ANAPC4: variants seen among roughly 807,000 people sequenced by gnomAD.
The protein encoded by ANAPC4 is anaphase-promoting complex subunit 4.
A neutral mutation model predicts 119.8 loss-of-function variants in ANAPC4; 63 were observed. The ratio of observed to expected loss-of-function variants is 0.53; its 90% CI spans 0.43 to 0.65. The LOEUF (loss-of-function observed/expected upper bound fraction) is 0.65. Among genes scored for constraint, ANAPC4 ranks in the 30% least tolerant of loss-of-function variants. ANAPC4 has a pLI of 0.00. For synonymous variants in ANAPC4, 283 were observed against 318.6 expected (o/e 0.89, Z 1.19); for missense variants, 716 against 945.1 (o/e 0.76, Z 3.18).
At chr4:25,411,387 A>G (rs1457876779) in intron 21 of ANAPC4, among the ~76,000 whole-genome samples, 2 of 152,202 alleles carry the variant, frequency 1.3e-5, no homozygotes, top group Admixed American at 6.5e-5. Flanking sequence ...TTTGAATAAG[A>G]AAGGCCTGAT....
chr4:25,388,916 A>G, intron 7 of ANAPC4, 34 bp downstream of exon 7: 1 of 1,515,674 alleles, frequency 6.6e-7, no homozygotes, highest in Non-Finnish European at 9.0e-7. Flanking sequence ...CTAATTTCTT[A>G]AAGTTATTTC....
intron 4 of ANAPC4, 110 bp from the exon 5 acceptor site, chr4:25,388,390 A>G: frequency 2.8e-6 from 2 of 715,090 alleles, no homozygotes; most frequent in Non-Finnish European, 4.8e-6. Flanking sequence ...TCATCTATTT[A>G]CTTGATAATG....
chr4:25,383,537 GCTTT>G, intron 4 of ANAPC4, 144 bp downstream of exon 4: 1 of 690,222 alleles, frequency 1.4e-6, no homozygotes, highest in Non-Finnish European at 2.1e-6. Context: ...ATTTTTTAAT[GCTTT>G]CTTAGATTTT....
At position 25,377,267 on chromosome 4, in the gene ANAPC4, A is replaced by G; in HGVS notation, c.-88A>G. On this transcript the variant is annotated 5_prime_UTR_variant, in exon 1 of 29. Coordinates refer to ENST00000315368, the MANE Select transcript of ANAPC4 (RefSeq NM_013367.3). ...ACAGCGGCGGGGCGGGGCGGCCTGG[A>G]GGCTGTGGCGCGCGGCCGGCAGAGG... 1 of 958,250 alleles carries G rather than the reference A, an allele frequency of 1.0e-6. No individual in the cohort carries two copies. Among genetic ancestry groups the G allele is most frequent in the South Asian group, 1.8e-5 (1 of 55,578 alleles). The allele number at this position is 958,250 out of a possible 1,614,324, so 59.4% of individuals were successfully genotyped here. A position where few individuals can be genotyped will look rare whatever the true frequency, so the allele number is the denominator to read the frequency against.
At chr4:25,388,774 A>G (rs777326490) in intron 6 of ANAPC4, 31 bp downstream of exon 6, 1 of 1,606,528 alleles carries the variant, frequency 6.2e-7, no homozygotes, top group Non-Finnish European at 8.5e-7. Context: ...TTTTCAAGTA[A>G]GATAATCTGC....
chr4:25,409,064 C>T (rs1037563044), intron 20 of ANAPC4, among the ~76,000 whole-genome samples: 3 of 152,154 alleles, frequency 2.0e-5, no homozygotes, highest in Non-Finnish European at 4.4e-5. Context: ...CTTTCCCCAC[C>T]ATCAGTACAA....
rs559632080 is a variant in ANAPC4, at chr4:25,412,844, A to T, written c.1526-801A>T. 3 of 152,306 alleles carry T rather than the reference A, an allele frequency of 2.0e-5. No homozygotes were observed. In the South Asian group the frequency reaches 6.2e-4, roughly 32 times the overall value. 9.4% of individuals were successfully genotyped at this position (152,306 alleles called of 1,614,324 possible). On this transcript the variant is annotated intron_variant, in intron 21 of 28. Coordinates refer to ENST00000315368, the MANE Select transcript of ANAPC4 (RefSeq NM_013367.3). The stretch of plus-strand genomic sequence containing the variant: ...TCTGTTCTAGGAACTAGAAACAAAG[A>T]TCAATGTTTTTCTGTGATAACATAG...
intron 4 of ANAPC4, 86 bp downstream of exon 4, chr4:25,383,479 G>T: frequency 8.1e-7 from 1 of 1,238,422 alleles, no homozygotes; most frequent in East Asian, 2.6e-5. Context: ...TGAGTATTGG[G>T]TGTATGTGCG....
chr4:25,399,608 CT>C (rs1722844901), intron 16 of ANAPC4, among the ~76,000 whole-genome samples: 1 of 152,128 alleles, frequency 6.6e-6, no homozygotes, highest in African/African-American at 2.4e-5. Context: ...TCATCCACCC[CT>C]CTCAGTGATG....
At chr4:25,396,305 A>G (rs1424834726) in intron 14 of ANAPC4, among the ~76,000 whole-genome samples, 1 of 152,216 alleles carries the variant, frequency 6.6e-6, no homozygotes, top group Non-Finnish European at 1.5e-5. Context: ...TGTCCCCAGT[A>G]TATAGCACGG....
chr4:25,394,646 A>G (rs568717551), intron 12 of ANAPC4, 25 bp from the exon 13 acceptor site: 1 of 1,577,118 alleles, frequency 6.3e-7, no homozygotes, highest in South Asian at 1.2e-5. Context: ...AGAAGTGACT[A>G]AAAATACTTT....
intron 3 of ANAPC4, 27 bp from the exon 4 acceptor site, chr4:25,383,234 T>A: frequency 1.3e-6 from 2 of 1,576,466 alleles, no homozygotes; most frequent in Non-Finnish European, 1.7e-6. Flanking sequence ...TACACTAATT[T>A]ATTCTGATTG....
At position 25,418,217 on chromosome 4, in the gene ANAPC4, C is replaced by T. The variant is rs1381731327; in HGVS notation, c.2262C>T (p.Leu754=). ...FEMDIDDEWE[L]DESSDEEEEA... is the part of the protein sequence containing the mutation. ...TGGACATAGATGATGAATGGGAGCT[C>T]GATGAGTCTTCAGATGAAGAGGAGG... Residue 754 remains leucine (L), a synonymous_variant, in exon 29 of 29, where the codon CTC becomes CTT. Coordinates refer to ENST00000315368, the MANE Select transcript of ANAPC4 (RefSeq NM_013367.3). The T allele has an allele frequency of 4.3e-6, 7 of 1,613,856 alleles. No individual in the cohort carries two copies. The highest frequency in any genetic ancestry group is 1.6e-4 in the Middle Eastern group (1 of 6,084).
intron 3 of ANAPC4, 24 bp downstream of exon 3, chr4:25,380,503 AT>A (rs779149543): frequency 1.6e-5 from 24 of 1,538,422 alleles, no homozygotes; most frequent in African/African-American, 4.2e-5. Context: ...TACAAAAAAA[AT>A]ATGTTTTTAT....
Position 25,414,700 on chromosome 4 carries a change from A to G in ANAPC4, c.1826A>G (p.Gln609Arg). The change falls in exon 25 of 29, where the codon CAA becomes CGA. Residue 609 changes from glutamine to arginine, a missense_variant and splice_region_variant. Coordinates refer to ENST00000315368, the MANE Select transcript of ANAPC4 (RefSeq NM_013367.3). Reference protein sequence around the residue: ...CILRRHTDISQSVSNGLIAIK... With the variant: ...CILRRHTDISRSVSNGLIAIK... Reference sequence around the variant, plus strand: ...TTAAGGAGACATACTGATATTTCTCAGTAAGTATTAATCTGAAGTTTGAAT... The same window carrying G: ...TTAAGGAGACATACTGATATTTCTCGGTAAGTATTAATCTGAAGTTTGAAT... 2 of 1,514,634 alleles carry G rather than the reference A, an allele frequency of 1.3e-6. No individual in the cohort carries two copies. The highest frequency in any genetic ancestry group is 1.8e-6 in the Non-Finnish European group (2 of 1,123,204). 93.8% of individuals were successfully genotyped at this position (1,514,634 alleles called of 1,614,324 possible). A position where few individuals can be genotyped will look rare whatever the true frequency, so the allele number is the denominator to read the frequency against.
intron 21 of ANAPC4, chr4:25,413,174 A>G (rs1560448270): frequency 6.6e-6 from 1 of 152,432 alleles, no homozygotes; most frequent in Non-Finnish European, 1.5e-5. Flanking sequence ...TTAGTGCTAA[A>G]TTATATATTA....
chr4:25,383,495 T>C (rs1382396705), intron 4 of ANAPC4, 102 bp downstream of exon 4: 6 of 1,165,724 alleles, frequency 5.1e-6, no homozygotes, highest in Non-Finnish European at 5.7e-6. Context: ...GTGCGTTGTA[T>C]TTAAATTTTG....
chr4:25,389,482 G>A (rs985473533), intron 7 of ANAPC4, among the ~76,000 whole-genome samples: 1 of 151,242 alleles, frequency 6.6e-6, no homozygotes, highest in East Asian at 1.9e-4. Context: ...TAGTAGAGAC[G>A]GGGTTTCACC....
At chr4:25,415,608 A>G in intron 26 of ANAPC4, 68 bp downstream of exon 26, 1 of 1,409,688 alleles carries the variant, frequency 7.1e-7, no homozygotes, top group Non-Finnish European at 9.9e-7. Context: ...TAGGAATAGG[A>G]TCAGACTCAG....
Sources: allele counts gnomAD v4.1 joint callset (sites outside exome capture counted in the v4.1 genomes callset), GRCh38; gene constraint gnomAD v4.1.1; transcripts MANE v1.5; gene names NCBI Gene and HGNC (gene_info 2026-07-23, HGNC 2026-07-21).